Variants in CLYBL observed in about 807,000 individuals in gnomAD.
CLYBL encodes citramalyl-CoA lyase, also known as citramalyl-CoA lyase, mitochondrial.
A neutral mutation model predicts 38.9 loss-of-function variants in CLYBL; 31 were observed. The ratio of observed to expected loss-of-function variants is 0.80; its 90% CI spans 0.60 to 1.08. The LOEUF (loss-of-function observed/expected upper bound fraction) is 1.08, where lower values mean the gene tolerates loss of function less well. CLYBL is among the 50% of genes least tolerant of loss of function. The probability of loss-of-function intolerance (pLI) is 0.00; values close to 1 mark genes in which losing one functional copy is unlikely to be tolerated. For missense variants in CLYBL, 434 were observed against 411.6 expected (o/e 1.05, Z -0.47); for synonymous variants, 171 against 158.6 (o/e 1.08, Z -0.59).
chr13:99,686,165 C>A (rs1594119348), intron 1 of CLYBL, among the ~76,000 whole-genome samples: 1 of 152,114 alleles, frequency 6.6e-6, no homozygotes, highest in Non-Finnish European at 1.5e-5. Context: ...TTCAGGGACA[C>A]TCTGAGCTAA....
At chr13:99,774,907 G>C (rs1437982048) in intron 2 of CLYBL, among the ~76,000 whole-genome samples, 1 of 152,174 alleles carries the variant, frequency 6.6e-6, no homozygotes, top group Non-Finnish European at 1.5e-5. Flanking sequence ...AAGATTCGAT[G>C]CTAACTTGTA....
At chr13:99,622,603 A>G (rs2046813977) in intron 1 of CLYBL, among the ~76,000 whole-genome samples, 1 of 152,128 alleles carries the variant, frequency 6.6e-6, no homozygotes, top group Admixed American at 6.6e-5. Context: ...CTGTTTTAGT[A>G]CATTCACCAT....
intron 1 of CLYBL, among the ~76,000 whole-genome samples, chr13:99,671,796 T>A (rs796582805): frequency 0.01 from 1,428 of 139,126 alleles, 15 homozygotes; most frequent in African/African-American, 0.035. Context: ...AAAAAAAAAA[T>A]AATAAAAGCT....
chr13:99,729,890 G>T (rs1214885112), intron 1 of CLYBL, among the ~76,000 whole-genome samples: 1 of 134,358 alleles, frequency 7.4e-6, no homozygotes, highest in East Asian at 2.9e-4. Flanking sequence ...AGTGTGGCTG[G>T]TGCCTCCACC....
chr13:99,803,393 G>C (rs894545790), intron 2 of CLYBL, among the ~76,000 whole-genome samples: 4 of 152,366 alleles, frequency 2.6e-5, no homozygotes, highest in South Asian at 2.1e-4. Context: ...GGCTTCACCA[G>C]CCCATCGCTG....
intron 1 of CLYBL, among the ~76,000 whole-genome samples, chr13:99,633,210 C>CAAAAAAAAAA (rs59801603): frequency 1.6e-5 from 1 of 62,720 alleles, no homozygotes; most frequent in Admixed American, 2.3e-4. Context: ...GATCCTGTCT[C>CAAAAAAAAAA]AAAAAAAAAA....
chr13:99,804,108 A>C (rs1385033570), intron 2 of CLYBL, among the ~76,000 whole-genome samples: 5 of 152,248 alleles, frequency 3.3e-5, no homozygotes, highest in Non-Finnish European at 7.3e-5. Context: ...GACCCCATCA[A>C]CAAAGGACGC....
At chr13:99,827,831 G>A (rs2050726054) in intron 2 of CLYBL, among the ~76,000 whole-genome samples, 1 of 152,242 alleles carries the variant, frequency 6.6e-6, no homozygotes, top group Admixed American at 6.5e-5. Context: ...TTCATCCCAT[G>A]CTAGCGTGCC....
chr13:99,818,149 T>A (rs1442543628), intron 2 of CLYBL, among the ~76,000 whole-genome samples: 1 of 152,146 alleles, frequency 6.6e-6, no homozygotes. Flanking sequence ...TGAGAACTTA[T>A]GTGGCAGAGA....
Position 99,849,304 on chromosome 13 carries a change from G to T in CLYBL, c.250-9557G>T, listed in dbSNP as rs981945398. 3.3e-5 allele frequency among the ~76,000 whole-genome samples: 5 copies of T among 152,130 alleles called. No individual in the cohort carries two copies. The highest frequency in any genetic ancestry group is 5.9e-5 in the Non-Finnish European group (4 of 68,008). ...TGGTGGGAGGATTGCTTGAGCCCAG[G>T]AGTTTAAGACCAGCCTGGGCAACAT... On this transcript the variant is annotated intron_variant, in intron 2 of 8. Transcript: ENST00000339105. This position sits in a 1 kb window ranked among gnomAD's most constrained non-coding sequence, Gnocchi z 4.9.
chr13:99,714,382 C>T (rs753189181), intron 1 of CLYBL, among the ~76,000 whole-genome samples: 8 of 151,534 alleles, frequency 5.3e-5, no homozygotes, highest in Non-Finnish European at 8.8e-5. Flanking sequence ...TTTGGGAGGC[C>T]GAGGTGGGCG....
intron 2 of CLYBL, among the ~76,000 whole-genome samples, chr13:99,822,478 C>G (rs926237249): frequency 6.6e-6 from 1 of 152,110 alleles, no homozygotes; most frequent in African/African-American, 2.4e-5. Flanking sequence ...TTGGCAGGGG[C>G]AGGTATGGTG....
At chr13:99,787,132 A>T (rs2049812962) in intron 2 of CLYBL, among the ~76,000 whole-genome samples, 2 of 150,022 alleles carry the variant, frequency 1.3e-5, no homozygotes, top group Admixed American at 1.3e-4. Context: ...GATTGCAAAA[A>T]TTTTCTCCCA....
At chr13:99,667,698 TCTC>T (rs1187263834) in intron 1 of CLYBL, among the ~76,000 whole-genome samples, 7 of 152,096 alleles carry the variant, frequency 4.6e-5, no homozygotes, top group African/African-American at 7.2e-5. Context: ...AAAAAACAAA[TCTC>T]CTACTTTTTT....
Position 99,865,759 on chromosome 13 carries a change from C to G in CLYBL, c.635-481C>G, listed in dbSNP as rs1455440443. Among the ~76,000 whole-genome samples the G allele has an allele frequency of 6.6e-6, 1 of 152,230 alleles. No homozygotes were observed. Among genetic ancestry groups the G allele is most frequent in the African/African-American group, 2.4e-5 (1 of 41,460 alleles). The stretch of plus-strand genomic sequence containing the variant: ...CCTCCCGTCTCCCCAAGTTCTCCAT[C>G]CAGACAGACCCTGAAGCTGAAGCAT... On this transcript the variant is annotated intron_variant, in intron 5 of 8. Transcript: ENST00000339105. This position sits in a 1 kb window ranked among gnomAD's most constrained non-coding sequence, Gnocchi z 4.7.
At chr13:99,648,516 T>C (rs1036605119) in intron 1 of CLYBL, among the ~76,000 whole-genome samples, 2 of 152,204 alleles carry the variant, frequency 1.3e-5, no homozygotes, top group Admixed American at 1.3e-4. Context: ...ATGATGATAA[T>C]CTGATTAGTG....
chr13:99,855,129 TTCCATTATTCA>T (rs1037599055), intron 2 of CLYBL, among the ~76,000 whole-genome samples: 5 of 137,584 alleles, frequency 3.6e-5, no homozygotes, highest in Admixed American at 2.2e-4. Context: ...AAGGCCTTAA[TTCCATTATTCA>T]GTCATTTCCA....
chr13:99,647,425 C>A (rs1411783347), intron 1 of CLYBL, among the ~76,000 whole-genome samples: 1 of 150,864 alleles, frequency 6.6e-6, no homozygotes, highest in African/African-American at 2.4e-5. Flanking sequence ...CTGTCACACG[C>A]CCCCCCGGCC....
Position 99,864,823 on chromosome 13 carries a change from G to A in CLYBL, c.546G>A (p.Val182=), listed in dbSNP as rs1269291371. The A allele has an allele frequency of 1.9e-6, 3 of 1,612,594 alleles. No homozygotes were observed. The Admixed American group carries it at 5.0e-5, about 27-fold the overall frequency. ...TCTGTTCTGCTCTTTTACAGGCAGTGTGTGAAGAAACCCTGAAGGTCGGGC... is the reference window on the plus strand; with the variant it reads ...TCTGTTCTGCTCTTTTACAGGCAGTATGTGAAGAAACCCTGAAGGTCGGGC... ...TAMGLLNFKA[V]CEETLKVGPQ... Residue 182 remains valine (V), a synonymous_variant, in exon 5 of 9, where the codon GTG becomes GTA. Transcript: ENST00000339105.
Sources: gnomAD v4.1 joint callset for allele counts (sites outside exome capture counted in the v4.1 genomes callset) on GRCh38, gnomAD v4.1.1 for gene constraint, Gnocchi (gnomAD v3.1) non-coding constraint, MANE v1.5 for transcripts, NCBI Gene and HGNC (gene_info 2026-07-23, HGNC 2026-07-21) for gene names.